Variants in NCOA6 observed in about 807,000 individuals in gnomAD.
The protein encoded by NCOA6 is NRC RAP250.
NCOA6 carries 49 observed loss-of-function variants against 171.4 expected under a neutral mutation model. That is an observed-to-expected ratio of 0.29 (90% CI 0.23 to 0.36). The LOEUF is 0.36. Among genes scored for constraint, NCOA6 ranks in the 10% least tolerant of loss-of-function variants. The pLI, the probability that NCOA6 is intolerant of heterozygous loss-of-function variation, is 1.00. For synonymous variants in NCOA6, 910 were observed against 927.5 expected (o/e 0.98, Z 0.34); for missense variants, 2,248 against 2,554.5 (o/e 0.88, Z 2.59).
chr20:34,785,376 T>C (rs928554254), intron 2 of NCOA6, among the ~76,000 whole-genome samples: 14 of 151,502 alleles, frequency 9.2e-5, no homozygotes, highest in African/African-American at 3.4e-4. Context: ...AGGAGTGCTG[T>C]TTGAGCCCAG....
intron 5 of NCOA6, among the ~76,000 whole-genome samples, chr20:34,761,082 C>T (rs1320646316): frequency 1.3e-5 from 2 of 151,990 alleles, no homozygotes; most frequent in African/African-American, 2.4e-5. Context: ...ATTAGCTGGG[C>T]GTGGTGGTGG....
chr20:34,727,078 C>T (rs905440624), intron 14 of NCOA6, among the ~76,000 whole-genome samples, 181 bp downstream of exon 14: 2 of 152,138 alleles, frequency 1.3e-5, no homozygotes, highest in East Asian at 3.9e-4. Flanking sequence ...TGAGTACACA[C>T]ACAGAAAACA....
intron 1 of NCOA6, among the ~76,000 whole-genome samples, chr20:34,812,679 AAG>A (rs2078705812): frequency 6.6e-6 from 1 of 152,154 alleles, no homozygotes; most frequent in South Asian, 2.1e-4. Context: ...AATTGCAACA[AAG>A]AGAAAAAAAA....
chr20:34,797,507 C>A (rs2078115064), intron 1 of NCOA6, among the ~76,000 whole-genome samples: 1 of 152,060 alleles, frequency 6.6e-6, no homozygotes, highest in African/African-American at 2.4e-5. Flanking sequence ...ATGAGTGAGA[C>A]TGAGACATGC....
chr20:34,781,395 G>A (rs975312303), intron 3 of NCOA6, among the ~76,000 whole-genome samples: 6 of 152,186 alleles, frequency 3.9e-5, no homozygotes, highest in African/African-American at 9.6e-5. Context: ...ACAAATGCCC[G>A]TAAGATATGG....
At chr20:34,823,712 T>A (rs1226093451) in intron 1 of NCOA6, among the ~76,000 whole-genome samples, 1 of 152,084 alleles carries the variant, frequency 6.6e-6, no homozygotes, top group Non-Finnish European at 1.5e-5. Context: ...TTTTTTTTTT[T>A]CTTTAGACAG....
In NCOA6 at chr20:34,759,077, T is replaced by G. The variant is rs138418427; in HGVS notation, c.515-144A>C. ...TCGCTCTGTTGCCCAGTCTGCCAAG[T>G]GGCACAATCACAGCTCACTGCCATC... is the stretch of plus-strand genomic sequence containing the variant. On this transcript the variant is annotated intron_variant, in intron 5 of 14. Transcript: ENST00000359003. 9.5e-5 allele frequency: 83 copies of G among 874,784 alleles called. No individual in the cohort carries two copies. In the East Asian group the frequency reaches 2.2e-3, roughly 23 times the overall value. 54.2% of individuals were successfully genotyped at this position (874,784 alleles called of 1,614,324 possible).
chr20:34,740,613 G>C lies in NCOA6; in HGVS notation c.5643C>G (p.Pro1881=). ...STELDSKTPT[P]PAPTLLKMTS... ...TCATTTTTAGCAGAGTGGGTGCTGG[G>C]GGCGTTGGGGTTTTACTGTCCAGCT... Residue 1881 remains proline, a synonymous_variant, in exon 11 of 15, where the codon CCC becomes CCG. Transcript: ENST00000359003. 6.2e-7 allele frequency: 1 copy of C among 1,614,166 alleles called. No individual in the cohort carries two copies. Among genetic ancestry groups the C allele is most frequent in the Non-Finnish European group, 8.5e-7 (1 of 1,180,042 alleles).
intron 2 of NCOA6, among the ~76,000 whole-genome samples, chr20:34,784,157 C>T (rs1010991428): frequency 6.6e-6 from 1 of 151,546 alleles, no homozygotes; most frequent in Non-Finnish European, 1.5e-5. Flanking sequence ...TTAGGAAATA[C>T]AAAACTGCTG....
At chr20:34,775,497 CA>C (rs1230232647) in intron 4 of NCOA6, among the ~76,000 whole-genome samples, 2 of 151,686 alleles carry the variant, frequency 1.3e-5, no homozygotes, top group African/African-American at 2.4e-5. Context: ...CCAGCCTGGC[CA>C]AGACGGTGAA....
chr20:34,753,573 T>C (rs571379988), intron 8 of NCOA6, among the ~76,000 whole-genome samples: 192 of 151,934 alleles, frequency 1.3e-3, no homozygotes, highest in African/African-American at 4.5e-3. Context: ...AGGCAGAGAA[T>C]TGCTTGAACC....
chr20:34,787,497 G>A (rs528244255), intron 2 of NCOA6, among the ~76,000 whole-genome samples: 1 of 151,214 alleles, frequency 6.6e-6, no homozygotes, highest in Non-Finnish European at 1.5e-5. Flanking sequence ...CTACACTCCA[G>A]CCTGGGTAAG....
Position 34,754,794 on chromosome 20 carries a change from A to G in NCOA6, c.1603T>C (p.Ser535Pro). ...TTCCCAGGGGTGGTTGCTGTGGTCG[A>G]AGGCACCTGACCTTGCATAAAGTTC... ...NPNFMQGQVPSTTATTPGNSG... is the reference protein window; with the variant it reads ...NPNFMQGQVPPTTATTPGNSG... The change falls in exon 8 of 15, where the codon TCG becomes CCG. Residue 535 changes from serine to proline, a missense_variant. This residue lies in a region of NCOA6 where 987 missense variants were observed against 1,104.7 expected (regional missense o/e 0.89). Coordinates refer to ENST00000359003, the MANE Select transcript of NCOA6 (RefSeq NM_014071.5). The G allele has an allele frequency of 6.2e-7, 1 of 1,614,194 alleles. No homozygotes were observed. The highest frequency in any genetic ancestry group is 8.5e-7 in the Non-Finnish European group (1 of 1,180,028).
chr20:34,751,230 C>T (rs939046017), intron 8 of NCOA6, among the ~76,000 whole-genome samples: 3 of 148,268 alleles, frequency 2.0e-5, no homozygotes, highest in African/African-American at 7.5e-5. Flanking sequence ...ATTAGCCGGG[C>T]GCGGTGGCAG....
intron 9 of NCOA6, 111 bp downstream of exon 9, chr20:34,749,292 G>C (rs2076397946): frequency 8.0e-7 from 1 of 1,247,340 alleles, no homozygotes; most frequent in African/African-American, 1.5e-5. Context: ...TTGAAGCAGG[G>C]GGATTTCATT....
rs755684552 is a variant in NCOA6, at chr20:34,741,533, T to C, written c.4723A>G (p.Ile1575Val). ...SEVSSNVAPS[I>V]PPVMSRPVSS... ...ACAGGTCTTGACATTACTGGAGGGA[T>C]GCTTGGTGCAACGTTAGAACTGACC... Residue 1575 changes from isoleucine to valine, a missense_variant, in exon 11 of 15, where the codon ATC becomes GTC. Around this residue, in one of 7 missense-constraint regions of NCOA6, gnomAD observed 884 missense variants for 941.9 expected, o/e 0.94. Coordinates refer to ENST00000359003, the MANE Select transcript of NCOA6 (RefSeq NM_014071.5). 6.2e-7 allele frequency: 1 copy of C among 1,614,202 alleles called. No individual in the cohort carries two copies. The highest frequency in any genetic ancestry group is 1.1e-5 in the South Asian group (1 of 91,082).
At chr20:34,801,709 A>G (rs1387506342) in intron 1 of NCOA6, among the ~76,000 whole-genome samples, 1 of 152,186 alleles carries the variant, frequency 6.6e-6, no homozygotes, top group East Asian at 1.9e-4. Flanking sequence ...TACTAAAAAT[A>G]CAAAAATTAG....
At chr20:34,759,026 T>C in intron 5 of NCOA6, 93 bp from the exon 6 acceptor site, 1 of 1,404,998 alleles carries the variant, frequency 7.1e-7, no homozygotes, top group African/African-American at 1.6e-5. Context: ...ATATGGAAAA[T>C]TTGTTTTTTT....
At chr20:34,796,392 G>A (rs899985251) in intron 1 of NCOA6, among the ~76,000 whole-genome samples, 2 of 152,008 alleles carry the variant, frequency 1.3e-5, no homozygotes, top group African/African-American at 4.8e-5. Context: ...TGCTGAGGAG[G>A]GCAGATTGCT....
Sources: allele counts gnomAD v4.1 joint callset (sites outside exome capture counted in the v4.1 genomes callset), GRCh38; gene constraint gnomAD v4.1.1; regional missense constraint gnomAD v4.1.1; transcripts MANE v1.5; gene names NCBI Gene and HGNC (gene_info 2026-07-23, HGNC 2026-07-21).